The following HSD17B4 variants were observed in gnomAD, a reference collection of about 807,000 sequenced individuals.
The protein encoded by HSD17B4 is peroxisomal multifunctional enzyme type 2.
A neutral mutation model predicts 101.0 loss-of-function variants in HSD17B4; 70 were observed. The ratio of observed to expected loss-of-function variants is 0.69; its 90% CI spans 0.57 to 0.85. The LOEUF is 0.85. Ranked by LOEUF, HSD17B4 falls within the 40% of genes least tolerant of loss-of-function variation. The pLI is 0.00. For synonymous variants in HSD17B4, 347 were observed against 297.1 expected, an observed-to-expected ratio of 1.17 and a Z score of -1.73; for missense variants, 984 against 892.4, an observed-to-expected ratio of 1.10 and a Z score of -1.31.
At chr5:119,529,126 T>G (rs1335067163) in intron 20 of HSD17B4, among the ~76,000 whole-genome samples, 1 of 152,158 alleles carries the variant, frequency 6.6e-6, no homozygotes, top group Non-Finnish European at 1.5e-5. Flanking sequence ...TATGATGAGA[T>G]GTAGTCAAGA....
chr5:119,523,364 G>A (rs2126867186), intron 17 of HSD17B4, among the ~76,000 whole-genome samples: 1 of 151,814 alleles, frequency 6.6e-6, no homozygotes, highest in East Asian at 1.9e-4. Flanking sequence ...TTATTTCCAG[G>A]CAGAAATGAA....
At chr5:119,521,545 C>T (rs1467579877) in intron 17 of HSD17B4, among the ~76,000 whole-genome samples, 1 of 151,882 alleles carries the variant, frequency 6.6e-6, no homozygotes, top group Non-Finnish European at 1.5e-5. Flanking sequence ...TACTTTTCTT[C>T]TGTTCTTTTT....
At chr5:119,472,896 C>G (rs1425588248) in intron 2 of HSD17B4, among the ~76,000 whole-genome samples, 2 of 152,326 alleles carry the variant, frequency 1.3e-5, no homozygotes, top group Non-Finnish European at 2.9e-5. Flanking sequence ...TTGTGACTCA[C>G]TTATTTCGTT....
intron 2 of HSD17B4, among the ~76,000 whole-genome samples, chr5:119,464,038 ATTAT>A (rs1173404865): frequency 2.0e-5 from 3 of 151,876 alleles, no homozygotes; most frequent in Middle Eastern, 6.8e-3. Flanking sequence ...ATTTATTAGG[ATTAT>A]TTATTTTTTA....
At chr5:119,459,654 GGACTCTGTAGAGTCCCGA>G (rs1755015694) in intron 2 of HSD17B4, among the ~76,000 whole-genome samples, 1 of 152,048 alleles carries the variant, frequency 6.6e-6, no homozygotes, top group African/African-American at 2.4e-5. Flanking sequence ...TTTCTGGTGG[GGACTCTGTAGAGTCCCGA>G]GATGGCACAG....
At chr5:119,515,155 T>C in intron 17 of HSD17B4, 109 bp downstream of exon 17, 1 of 735,958 alleles carries the variant, frequency 1.4e-6, no homozygotes, top group East Asian at 2.5e-5. Context: ...ATGAATAATA[T>C]GTTATTATTC....
intron 22 of HSD17B4, chr5:119,535,887 A>G (rs1424895619): frequency 6.1e-6 from 1 of 163,848 alleles, no homozygotes; most frequent in Non-Finnish European, 1.3e-5. Context: ...TGTAAAGTAT[A>G]TATCTTAATA....
At chr5:119,492,323 C>T in intron 10 of HSD17B4, 199 bp downstream of exon 10, 2 of 604,986 alleles carry the variant, frequency 3.3e-6, no homozygotes, top group African/African-American at 1.9e-5. Flanking sequence ...CCTTTCAAGA[C>T]CCTATCTATT....
At position 119,512,290 on chromosome 5, in the gene HSD17B4, A is replaced by G. The variant is rs556300772; in HGVS notation, c.1438-2691A>G. Among the ~76,000 whole-genome samples, 7 of 152,322 alleles carry G rather than the reference A, an allele frequency of 4.6e-5. No homozygotes were observed. In the East Asian group the frequency reaches 1.3e-3, roughly 29 times the overall value. On this transcript the variant is annotated intron_variant, in intron 16 of 23. Coordinates refer to ENST00000510025, the MANE Select transcript of HSD17B4 (RefSeq NM_000414.4). The stretch of plus-strand genomic sequence containing the variant: ...GAGACAGAGAAAGGAACAGAAAAAA[A>G]TTTTGAGGAAATAATGGCTTCTGAT...
intron 18 of HSD17B4, among the ~76,000 whole-genome samples, chr5:119,525,584 A>G (rs1237146728): frequency 6.6e-6 from 1 of 152,102 alleles, no homozygotes; most frequent in Admixed American, 6.6e-5. Flanking sequence ...GAGAGCAAGG[A>G]ACTGAAAGGT....
chr5:119,499,632 G>T, intron 13 of HSD17B4, 79 bp downstream of exon 13: 1 of 750,704 alleles, frequency 1.3e-6, no homozygotes, highest in South Asian at 1.5e-5. Context: ...TTATATATAT[G>T]TGTGTGTAGT....
chr5:119,457,523 A>G lies in HSD17B4; in HGVS notation c.112+1155A>G, dbSNP rs538582884. Among the ~76,000 whole-genome samples, 9 of 152,306 alleles carry G rather than the reference A, an allele frequency of 5.9e-5. No individual in the cohort carries two copies. In the South Asian group the frequency reaches 1.9e-3, roughly 32 times the overall value. On this transcript the variant is annotated intron_variant, in intron 2 of 23. Transcript: ENST00000510025. Reference sequence around the variant, plus strand: ...ATCATAGGCACTGTCTGCTAATCCAATCTGCTTCTTCTGGCAGGGATGAAT... The same window carrying G: ...ATCATAGGCACTGTCTGCTAATCCAGTCTGCTTCTTCTGGCAGGGATGAAT...
chr5:119,527,260 A>C, intron 20 of HSD17B4, 41 bp downstream of exon 20: 1 of 1,089,420 alleles, frequency 9.2e-7, no homozygotes, highest in Non-Finnish European at 1.4e-6. Context: ...ATGCTTTATC[A>C]TTGTGTTCCA....
At chr5:119,492,247 C>T (rs1580602359) in intron 10 of HSD17B4, 123 bp downstream of exon 10, 2 of 780,270 alleles carry the variant, frequency 2.6e-6, no homozygotes, top group South Asian at 2.8e-5. Flanking sequence ...CTTGCATATT[C>T]AAACTTAAAC....
chr5:119,462,418 G>A (rs1580513899), intron 2 of HSD17B4, among the ~76,000 whole-genome samples: 1 of 151,772 alleles, frequency 6.6e-6, no homozygotes, highest in Middle Eastern at 3.4e-3. Flanking sequence ...ACCCGTGGTA[G>A]GATAATCTTT....
At chr5:119,495,719 G>A in intron 11 of HSD17B4, 1 of 187,528 alleles carries the variant, frequency 5.3e-6, no homozygotes, top group Non-Finnish European at 1.2e-5. Context: ...CTCCCAGGCT[G>A]GAGTATGGTG....
Position 119,514,968 on chromosome 5 carries a change from G to A in HSD17B4, c.1438-13G>A, listed in dbSNP as rs1215064122. The A allele has an allele frequency of 6.3e-6, 9 of 1,418,994 alleles. No individual in the cohort carries two copies. In the South Asian group the frequency reaches 9.2e-5, roughly 14 times the overall value. The allele number at this position is 1,418,994 out of a possible 1,614,324, so 87.9% of individuals were successfully genotyped here. A position where few individuals can be genotyped will look rare whatever the true frequency, so the allele number is the denominator to read the frequency against. On this transcript the variant is annotated splice_polypyrimidine_tract_variant and intron_variant, in intron 16 of 23. Transcript: ENST00000510025. ...TTGTATTTAAGATTTAACATGTAAT[G>A]TCTTAATTTTAGGTAGCTGTAGCCA...
chr5:119,468,000 T>C (rs1414961815), intron 2 of HSD17B4, among the ~76,000 whole-genome samples: 2 of 152,222 alleles, frequency 1.3e-5, no homozygotes, highest in African/African-American at 4.8e-5. Context: ...AATCTCTTTA[T>C]CATTTAATTG....
intron 8 of HSD17B4, among the ~76,000 whole-genome samples, chr5:119,480,384 T>C (rs1281398766): frequency 1.3e-5 from 2 of 152,004 alleles, no homozygotes; most frequent in Non-Finnish European, 2.9e-5. Flanking sequence ...AAGAGAGAAA[T>C]TTTAAAGCTG....
Sources: allele counts gnomAD v4.1 joint callset (sites outside exome capture counted in the v4.1 genomes callset), GRCh38; gene constraint gnomAD v4.1.1; transcripts MANE v1.5; gene names NCBI Gene and HGNC (gene_info 2026-07-23, HGNC 2026-07-21).